The following RETREG1 variants were observed in gnomAD, a reference collection of about 807,000 sequenced individuals.
RETREG1 encodes family with sequence similarity 134 member B.
A neutral mutation model predicts 54.8 loss-of-function variants in RETREG1; 44 were observed. The observed-to-expected ratio is 0.80, with a 90% CI of 0.63 to 1.03. The LOEUF (loss-of-function observed/expected upper bound fraction) is 1.03, where lower values mean the gene tolerates loss of function less well. Among genes scored for constraint, RETREG1 ranks in the 50% least tolerant of loss-of-function variants. The pLI, the probability that RETREG1 is intolerant of heterozygous loss-of-function variation, is 0.00. For synonymous variants in RETREG1, 217 were observed against 238.5 expected (o/e 0.91, Z 0.83); for missense variants, 554 against 605.1 (o/e 0.92, Z 0.89).
chr5:16,479,065 C>T (rs1738659346), intron 5 of RETREG1, 78 bp from the exon 6 acceptor site: 1 of 1,393,186 alleles, frequency 7.2e-7, no homozygotes, highest in Non-Finnish European at 1.0e-6. Context: ...TCACAAAATA[C>T]TACATTTCTT....
rs181493671 is a variant in RETREG1 at position 16,503,128 on chromosome 5, A to C, written c.459-19656T>G. 3.8e-3 allele frequency among the ~76,000 whole-genome samples: 574 copies of C among 152,336 alleles called. 1 individual carries two copies. Among genetic ancestry groups the C allele is most frequent in the Non-Finnish European group, 5.8e-3 (392 of 68,020 alleles). ...TCAGCTTTCACAGGGGCGTGATTAC[A>C]GGAAGCTCACTGGGGCACTGAAAAG... is the stretch of plus-strand genomic sequence containing the variant. On this transcript the variant is annotated intron_variant, in intron 3 of 8. Transcript: ENST00000306320.
intron 3 of RETREG1, among the ~76,000 whole-genome samples, chr5:16,553,084 GA>G (rs1168480724): frequency 6.6e-6 from 1 of 152,064 alleles, no homozygotes; most frequent in Non-Finnish European, 1.5e-5. Context: ...CTGGCTTTGG[GA>G]ACTGTTCACT....
At chr5:16,528,553 G>A (rs904352942) in intron 3 of RETREG1, among the ~76,000 whole-genome samples, 3 of 152,152 alleles carry the variant, frequency 2.0e-5, no homozygotes, top group Admixed American at 1.3e-4. Flanking sequence ...GGCCAAGGAG[G>A]AGTGAGACCT....
At chr5:16,587,854 C>G (rs1742663617) in intron 1 of RETREG1, among the ~76,000 whole-genome samples, 1 of 152,202 alleles carries the variant, frequency 6.6e-6, no homozygotes, top group South Asian at 2.1e-4. Flanking sequence ...TTCTCATTCC[C>G]CTCTTTGCCG....
At chr5:16,559,130 G>A (rs554116056) in intron 3 of RETREG1, among the ~76,000 whole-genome samples, 62 of 152,128 alleles carry the variant, frequency 4.1e-4, no homozygotes, top group African/African-American at 1.4e-3. Flanking sequence ...CAACCCCTCC[G>A]CCTACTTGAA....
chr5:16,501,343 G>T (rs1190816091), intron 3 of RETREG1, among the ~76,000 whole-genome samples: 1 of 152,052 alleles, frequency 6.6e-6, no homozygotes, highest in African/African-American at 2.4e-5. Flanking sequence ...AGCATTGCAT[G>T]GTTCTAAAAC....
At chr5:16,505,543 A>G (rs1039828673) in intron 3 of RETREG1, among the ~76,000 whole-genome samples, 6 of 152,216 alleles carry the variant, frequency 3.9e-5, no homozygotes, top group African/African-American at 1.4e-4. Flanking sequence ...GAAGCAATGA[A>G]CATGTGAACA....
intron 3 of RETREG1, among the ~76,000 whole-genome samples, chr5:16,541,429 C>G (rs1009338803): frequency 1.3e-5 from 2 of 152,180 alleles, no homozygotes; most frequent in African/African-American, 4.8e-5. Flanking sequence ...GTGGCTCACG[C>G]CTGTAATCTC....
intron 1 of RETREG1, among the ~76,000 whole-genome samples, chr5:16,579,496 G>A (rs533338253): frequency 2.0e-5 from 3 of 152,226 alleles, no homozygotes; most frequent in South Asian, 2.1e-4. Flanking sequence ...ATATTTTAGA[G>A]CAGTTTTTAG....
intron 3 of RETREG1, among the ~76,000 whole-genome samples, chr5:16,497,516 C>T (rs761813758): frequency 1.4e-4 from 22 of 152,198 alleles, no homozygotes. Context: ...AGGCACCTAA[C>T]CTTCAGATTT....
At chr5:16,477,555 G>C (rs949281928) in intron 8 of RETREG1, 107 bp downstream of exon 8, 4 of 1,044,472 alleles carry the variant, frequency 3.8e-6, no homozygotes, top group African/African-American at 3.2e-5. Flanking sequence ...ATATTCTACT[G>C]TGTAGATATG....
chr5:16,535,437 G>A (rs765547220), intron 3 of RETREG1, among the ~76,000 whole-genome samples: 4 of 151,836 alleles, frequency 2.6e-5, no homozygotes, highest in Admixed American at 6.6e-5. Context: ...AGTGGGAGCT[G>A]GAATTCCTCC....
At chr5:16,494,304 G>A (rs80233287) in intron 3 of RETREG1, among the ~76,000 whole-genome samples, 2,844 of 152,150 alleles carry the variant, frequency 0.019, 34 homozygotes, top group Non-Finnish European at 0.031. Flanking sequence ...TATGAACCTG[G>A]GATTATAGAT....
At chr5:16,557,492 T>C (rs1741741398) in intron 3 of RETREG1, among the ~76,000 whole-genome samples, 1 of 152,230 alleles carries the variant, frequency 6.6e-6, no homozygotes, top group African/African-American at 2.4e-5. Context: ...CATGTAGAAC[T>C]TGGAGAAACT....
At chr5:16,489,205 C>T (rs1221432784) in intron 3 of RETREG1, among the ~76,000 whole-genome samples, 1 of 147,834 alleles carries the variant, frequency 6.8e-6, no homozygotes, top group East Asian at 2.1e-4. Context: ...AACAAAATAA[C>T]TCAGTCAAAC....
chr5:16,578,646 T>C (rs531908217), intron 1 of RETREG1, among the ~76,000 whole-genome samples: 1 of 152,312 alleles, frequency 6.6e-6, no homozygotes, highest in South Asian at 2.1e-4. Flanking sequence ...TCAGCTGCAA[T>C]CAACCACCTC....
rs17613128 is a variant in RETREG1 at position 16,568,962 on chromosome 5, G to A, written c.427+3034C>T. Among the ~76,000 whole-genome samples, 144 of 152,228 alleles carry A rather than the reference G, an allele frequency of 9.5e-4. 5 individuals carry two copies. The East Asian group carries it at 0.024, about 26-fold the overall frequency. On this transcript the variant is annotated intron_variant, in intron 2 of 8. Transcript: ENST00000306320. ...AGGAGAGGAGACTGCTGACTTGGTC[G>A]TCCTTTCATTGTCATTGTCGTTGCT...
chr5:16,534,254 G>C (rs553901509), intron 3 of RETREG1, among the ~76,000 whole-genome samples: 1 of 152,178 alleles, frequency 6.6e-6, no homozygotes, highest in African/African-American at 2.4e-5. Context: ...ACTCCAGCCT[G>C]GGTGATAGAG....
chr5:16,533,046 A>G (rs889921846), intron 3 of RETREG1, among the ~76,000 whole-genome samples: 11 of 135,654 alleles, frequency 8.1e-5, no homozygotes, highest in African/African-American at 1.8e-4. Context: ...AGTTGATAAT[A>G]TGAACTTTTT....
Sources: allele counts gnomAD v4.1 joint callset (sites outside exome capture counted in the v4.1 genomes callset), GRCh38; gene constraint gnomAD v4.1.1; transcripts MANE v1.5; gene names NCBI Gene and HGNC (gene_info 2026-07-23, HGNC 2026-07-21).